Variants in SCD5 observed in about 807,000 individuals in gnomAD.
The protein encoded by SCD5 is acyl-CoA-desaturase 4.
SCD5 carries 20 observed loss-of-function variants against 30.4 expected under a neutral mutation model. The ratio of observed to expected loss-of-function variants is 0.66; its 90% CI spans 0.46 to 0.96. The LOEUF (loss-of-function observed/expected upper bound fraction) is 0.96, where lower values mean the gene tolerates loss of function less well. SCD5 is among the 40% of genes least tolerant of loss of function. The pLI, the probability that SCD5 is intolerant of heterozygous loss-of-function variation, is 0.00. For missense variants in SCD5, 381 were observed against 443.3 expected (o/e 0.86, Z 1.26); for synonymous variants, 173 against 176.4 (o/e 0.98, Z 0.16).
intron 1 of SCD5, among the ~76,000 whole-genome samples, chr4:82,781,054 G>A (rs1352887253): frequency 6.6e-6 from 1 of 152,192 alleles, no homozygotes; most frequent in African/African-American, 2.4e-5. Context: ...CCCCAGAGGA[G>A]GGCTGGAGAA....
chr4:82,665,017 A>ATG (rs1560527945), intron 3 of SCD5, among the ~76,000 whole-genome samples: 11 of 118,112 alleles, frequency 9.3e-5, no homozygotes, highest in Admixed American at 1.8e-4. Flanking sequence ...ATATATATAT[A>ATG]TATGTATAAT....
intron 1 of SCD5, among the ~76,000 whole-genome samples, chr4:82,791,959 A>G (rs1722106921): frequency 1.3e-5 from 2 of 152,202 alleles, no homozygotes; most frequent in Admixed American, 6.5e-5. Context: ...AAATATTTGG[A>G]TTTAAAAGCT....
intron 4 of SCD5, among the ~76,000 whole-genome samples, chr4:82,634,106 G>A (rs1299902954): frequency 3.9e-5 from 6 of 152,026 alleles, no homozygotes; most frequent in East Asian, 1.9e-4. Flanking sequence ...ATTGCCAAAC[G>A]GTATTTCATT....
At chr4:82,653,008 T>C (rs1448390573) in intron 3 of SCD5, among the ~76,000 whole-genome samples, 1 of 151,954 alleles carries the variant, frequency 6.6e-6, no homozygotes, top group Non-Finnish European at 1.5e-5. Flanking sequence ...AAAAATTAGC[T>C]TGGGTATGGT....
At chr4:82,678,756 T>G (rs1415063183) in intron 3 of SCD5, among the ~76,000 whole-genome samples, 1 of 152,218 alleles carries the variant, frequency 6.6e-6, no homozygotes, top group Non-Finnish European at 1.5e-5. Flanking sequence ...AAAGAGATAC[T>G]ACTGAATATT....
chr4:82,775,155 G>A (rs1721718834), intron 1 of SCD5, among the ~76,000 whole-genome samples: 1 of 152,308 alleles, frequency 6.6e-6, no homozygotes, highest in East Asian at 1.9e-4. Context: ...AACAGCTGCT[G>A]GGAAAGAGGT....
At chr4:82,758,993 G>A (rs534642220) in intron 1 of SCD5, among the ~76,000 whole-genome samples, 2 of 152,290 alleles carry the variant, frequency 1.3e-5, no homozygotes, top group South Asian at 2.1e-4. Flanking sequence ...CCGCCCCAGC[G>A]CCCCGCTGAC....
intron 1 of SCD5, among the ~76,000 whole-genome samples, chr4:82,731,647 G>A (rs551204357): frequency 5.3e-4 from 81 of 152,186 alleles, no homozygotes; most frequent in Non-Finnish European, 1.1e-3. Flanking sequence ...CCCACACAGA[G>A]CTTGCCCAGG....
rs560684651 is a variant in SCD5, at chr4:82,733,285, C to G, written c.233-27872G>C. Among the ~76,000 whole-genome samples, 19 of 152,296 alleles carry G rather than the reference C, an allele frequency of 1.2e-4. 1 individual carries two copies. Among genetic ancestry groups the G allele is most frequent in the African/African-American group, 4.1e-4 (17 of 41,576 alleles). ...CTTTGGTCTCTTTCACATCAGCCCC[C>G]TCCCCAGAGCACAGGCAAGCTAGCT... On this transcript the variant is annotated intron_variant, in intron 1 of 4. Transcript: ENST00000319540.
chr4:82,724,156 T>C (rs1720425061), intron 1 of SCD5, among the ~76,000 whole-genome samples: 1 of 152,256 alleles, frequency 6.6e-6, no homozygotes. Flanking sequence ...TTTAAAATTC[T>C]GTATGTTTGA....
chr4:82,722,738 A>G (rs1720395017), intron 1 of SCD5, among the ~76,000 whole-genome samples: 1 of 149,256 alleles, frequency 6.7e-6, no homozygotes, highest in Non-Finnish European at 1.5e-5. Context: ...GCACTCCAGC[A>G]TGGGTGACAA....
chr4:82,781,139 G>T (rs1721861674), intron 1 of SCD5, among the ~76,000 whole-genome samples: 1 of 152,206 alleles, frequency 6.6e-6, no homozygotes, highest in South Asian at 2.1e-4. Flanking sequence ...TGAGGGCCGG[G>T]CGTGGTGGCT....
intron 1 of SCD5, among the ~76,000 whole-genome samples, chr4:82,744,253 A>G (rs1334245086): frequency 1.3e-5 from 2 of 152,228 alleles, no homozygotes; most frequent in African/African-American, 4.8e-5. Flanking sequence ...TTGATCATGC[A>G]GTCTGTTCCC....
intron 1 of SCD5, among the ~76,000 whole-genome samples, chr4:82,725,839 G>A (rs914031270): frequency 6.6e-6 from 1 of 150,698 alleles, no homozygotes; most frequent in South Asian, 2.1e-4. Context: ...CAGCCTGGGT[G>A]ATGGGAGTGA....
chr4:82,761,475 T>C (rs1721364245), intron 1 of SCD5, among the ~76,000 whole-genome samples: 1 of 152,212 alleles, frequency 6.6e-6, no homozygotes, highest in Non-Finnish European at 1.5e-5. Flanking sequence ...ATCCATCTGT[T>C]TTAGATTGCT....
Position 82,795,154 on chromosome 4 carries a change from ACT to A in SCD5, c.232+3150_232+3151del, listed in dbSNP as rs200286902. Reference sequence around the variant, plus strand: ...ATGACATTTTACCACCACACAAATTACTCTCTGCACACTGCACATCCAACACA... The same window carrying A: ...ATGACATTTTACCACCACACAAATTACTCTGCACACTGCACATCCAACACA... On this transcript the variant is annotated intron_variant, in intron 1 of 4. Coordinates refer to ENST00000319540, the MANE Select transcript of SCD5 (RefSeq NM_001037582.3). Among the ~76,000 whole-genome samples the A allele has an allele frequency of 6.9e-3, 1,052 of 152,324 alleles. 12 individuals carry two copies. Among genetic ancestry groups the A allele is most frequent in the African/African-American group, 0.024 (985 of 41,562 alleles).
chr4:82,693,398 G>A (rs1719608869), intron 2 of SCD5, among the ~76,000 whole-genome samples: 1 of 151,992 alleles, frequency 6.6e-6, no homozygotes, highest in African/African-American at 2.4e-5. Flanking sequence ...ATTATATCTT[G>A]AATCTGCACA....
intron 2 of SCD5, among the ~76,000 whole-genome samples, chr4:82,693,110 AG>A (rs1174487110): frequency 6.6e-6 from 1 of 152,178 alleles, no homozygotes; most frequent in African/African-American, 2.4e-5. Context: ...CACAGAGGGC[AG>A]GGCCGGGTTT....
At chr4:82,742,834 G>A (rs770080895) in intron 1 of SCD5, among the ~76,000 whole-genome samples, 7 of 152,104 alleles carry the variant, frequency 4.6e-5, no homozygotes, top group East Asian at 1.9e-4. Context: ...CCAATGATGC[G>A]GGTCTCTGAA....
Sources: allele counts gnomAD v4.1 joint callset (sites outside exome capture counted in the v4.1 genomes callset), GRCh38; gene constraint gnomAD v4.1.1; transcripts MANE v1.5; gene names NCBI Gene and HGNC (gene_info 2026-07-23, HGNC 2026-07-21).